Variants in CDH11 observed in about 807,000 individuals in gnomAD.
CDH11 encodes cadherin 11, also known as cadherin-11.
In CDH11, 11 loss-of-function variants were observed where a neutral mutation model predicts 67.8. The observed-to-expected ratio is 0.16, with a 90% CI of 0.10 to 0.27. The LOEUF is 0.27. CDH11 is among the 10% of genes least tolerant of loss of function. The pLI is 1.00. For synonymous variants in CDH11, 419 were observed against 400.0 expected, an observed-to-expected ratio of 1.05 and a Z score of -0.57; for missense variants, 847 against 1,031.2, an observed-to-expected ratio of 0.82 and a Z score of 2.45.
At chr16:65,024,559 GT>G (rs1417422115) in intron 2 of CDH11, among the ~76,000 whole-genome samples, 1 of 152,166 alleles carries the variant, frequency 6.6e-6, no homozygotes, top group Non-Finnish European at 1.5e-5. Context: ...TTAAAAAGCA[GT>G]TCTTCAAAGT....
intron 2 of CDH11, among the ~76,000 whole-genome samples, chr16:65,016,739 A>G (rs2073318015): frequency 6.6e-6 from 1 of 152,234 alleles, no homozygotes; most frequent in South Asian, 2.1e-4. Context: ...AGTAAAGTGA[A>G]AGTAAGCTTA....
intron 1 of CDH11, among the ~76,000 whole-genome samples, chr16:65,056,222 G>A (rs1257143731): frequency 6.6e-6 from 1 of 152,186 alleles, no homozygotes; most frequent in African/African-American, 2.4e-5. Flanking sequence ...TTACTGTGCT[G>A]TGAGAAAGCT....
chr16:64,967,985 A>G (rs979614206), intron 11 of CDH11, among the ~76,000 whole-genome samples: 1 of 152,222 alleles, frequency 6.6e-6, no homozygotes, highest in Admixed American at 6.5e-5. Flanking sequence ...CATAAATTAA[A>G]TTTCAGAATT....
At chr16:65,122,781 C>T (rs2075356695), upstream of CDH11, among the ~76,000 whole-genome samples, 1 of 152,098 alleles carries the variant, frequency 6.6e-6, no homozygotes, top group Non-Finnish European at 1.5e-5. Context: ...TAGTGCCCCC[C>T]ACGCAACGCC....
Position 64,954,984 on chromosome 16 carries a change from C to T in CDH11, c.1643-3966G>A, listed in dbSNP as rs976308123. ...AAAAAAGGCCAGGCACAGTGGCTTACGCCTGTAATCCCAGCACTTTGGGAG... is the reference window on the plus strand; with the variant it reads ...AAAAAAGGCCAGGCACAGTGGCTTATGCCTGTAATCCCAGCACTTTGGGAG... On this transcript the variant is annotated intron_variant, in intron 11 of 12. Coordinates refer to ENST00000268603, the MANE Select transcript of CDH11 (RefSeq NM_001797.4). 5.3e-5 allele frequency among the ~76,000 whole-genome samples: 8 copies of T among 150,710 alleles called. No individual in the cohort carries two copies. The South Asian group carries it at 1.3e-3, about 24-fold the overall frequency.
intron 11 of CDH11, among the ~76,000 whole-genome samples, chr16:64,952,661 TACAC>T (rs1201716104): frequency 7.2e-6 from 1 of 138,562 alleles, no homozygotes; most frequent in Non-Finnish European, 1.7e-5. Flanking sequence ...CATACACACA[TACAC>T]ACACACATAC....
chr16:65,045,959 C>A (rs1170313537), intron 2 of CDH11, among the ~76,000 whole-genome samples: 3 of 152,098 alleles, frequency 2.0e-5, no homozygotes, highest in Admixed American at 6.5e-5. Flanking sequence ...TGAATGAATA[C>A]CAGAAAACAA....
chr16:65,035,397 G>A (rs544690123), intron 2 of CDH11, among the ~76,000 whole-genome samples: 3 of 152,194 alleles, frequency 2.0e-5, no homozygotes, highest in Non-Finnish European at 2.9e-5. Flanking sequence ...GTATTCAAGC[G>A]CAGTGGAAGT....
intron 8 of CDH11, among the ~76,000 whole-genome samples, chr16:64,973,705 G>T (rs1280653361): frequency 6.6e-6 from 1 of 152,038 alleles, no homozygotes; most frequent in Non-Finnish European, 1.5e-5. Context: ...TACTCGGGAG[G>T]CTGAGGCATG....
rs1401336838 is a variant in CDH11 at position 64,944,958 on chromosome 16, G to A, written c.*2645C>T. ...GTACAGGGCTGAATTATCAAAAGAT[G>A]TCAGAAAAGGTAGTAAGATTCATTC... On this transcript the variant is annotated 3_prime_UTR_variant, in exon 13 of 13. Transcript: ENST00000268603. 4.7e-6 allele frequency: 1 copy of A among 213,804 alleles called. No individual in the cohort carries two copies. Among genetic ancestry groups the A allele is most frequent in the Non-Finnish European group, 9.4e-6 (1 of 105,904 alleles). 13.2% of individuals were successfully genotyped at this position (213,804 alleles called of 1,614,324 possible).
chr16:65,014,619 T>C (rs558805072), intron 2 of CDH11, among the ~76,000 whole-genome samples: 4 of 152,176 alleles, frequency 2.6e-5, no homozygotes, highest in South Asian at 2.1e-4. Context: ...GAAGACTTTC[T>C]GGAGGCATTG....
chr16:65,100,273 T>G (rs1282527609), intron 1 of CDH11, among the ~76,000 whole-genome samples: 1 of 152,080 alleles, frequency 6.6e-6, no homozygotes, highest in African/African-American at 2.4e-5. Flanking sequence ...GACAGGATGT[T>G]GAATACTGCC....
rs535183859 is a variant in CDH11 at position 65,043,548 on chromosome 16, A to G, written c.-173+10256T>C. Among the ~76,000 whole-genome samples the G allele has an allele frequency of 2.0e-4, 31 of 152,276 alleles. 1 individual carries two copies. In the South Asian group the frequency reaches 4.8e-3, roughly 23 times the overall value. Reference sequence around the variant, plus strand: ...CAGACTTTTACTGATCAGCCCTCCAATGTGAGCTGCCCTGGAAAAGAGCAT... The same window carrying G: ...CAGACTTTTACTGATCAGCCCTCCAGTGTGAGCTGCCCTGGAAAAGAGCAT... On this transcript the variant is annotated intron_variant, in intron 2 of 12. Transcript: ENST00000268603.
chr16:64,968,251 G>A (rs935418262), intron 11 of CDH11: 2 of 189,496 alleles, frequency 1.1e-5, no homozygotes, highest in Non-Finnish European at 2.0e-5. Flanking sequence ...TGCCCTATGC[G>A]ACTGTTTGAA....
chr16:65,108,958 C>T (rs2075112209), intron 1 of CDH11, among the ~76,000 whole-genome samples: 1 of 152,008 alleles, frequency 6.6e-6, no homozygotes, highest in Admixed American at 6.5e-5. Context: ...ACCAGCCTGG[C>T]CAACATGGTA....
intron 11 of CDH11, among the ~76,000 whole-genome samples, chr16:64,968,908 G>C (rs1000561498): frequency 3.9e-5 from 6 of 152,266 alleles, no homozygotes; most frequent in Admixed American, 3.9e-4. Flanking sequence ...TAGAAAGAAA[G>C]TCTATTAAAT....
chr16:64,979,066 A>G (rs2072256907), intron 8 of CDH11, among the ~76,000 whole-genome samples: 1 of 152,206 alleles, frequency 6.6e-6, no homozygotes. Context: ...CAACAACAGT[A>G]AAAAGACAAA....
rs878965117 is a variant in CDH11, at chr16:64,972,983, A to C, written c.1311T>G (p.Asp437Glu). ...LDRFFTINPE[D>E]GFIKTTKPLD... ...GAGGTTTTGTAGTTTTAATAAAACC[A>C]TCCTCTGGATTAATAGTGAAAAATC... The change falls in exon 9 of 13, where the codon GAT becomes GAG. Residue 437 changes from aspartate to glutamate, a missense_variant. Transcript: ENST00000268603. The C allele has an allele frequency of 1.9e-6, 3 of 1,613,434 alleles. No individual in the cohort carries two copies. In the African/African-American group the frequency reaches 4.0e-5, roughly 22 times the overall value.
intron 1 of CDH11, among the ~76,000 whole-genome samples, chr16:65,068,440 G>C (rs1001665112): frequency 2.3e-4 from 30 of 130,846 alleles, no homozygotes; most frequent in African/African-American, 8.5e-4. Flanking sequence ...AAAAAAAAAA[G>C]AGGGAGAGAG....
Sources: allele counts gnomAD v4.1 joint callset (sites outside exome capture counted in the v4.1 genomes callset), GRCh38; gene constraint gnomAD v4.1.1; transcripts MANE v1.5; gene names NCBI Gene and HGNC (gene_info 2026-07-23, HGNC 2026-07-21).